KAZN: variants seen among roughly 807,000 people sequenced by gnomAD.
The protein encoded by KAZN is kazrin, periplakin interacting protein, also known as kazrin.
KAZN carries 40 observed loss-of-function variants against 87.4 expected under a neutral mutation model. The observed-to-expected ratio is 0.46, with a 90% CI of 0.36 to 0.60. The LOEUF is 0.60. Among genes scored for constraint, KAZN ranks in the 20% least tolerant of loss-of-function variants. The probability of loss-of-function intolerance (pLI) is 0.00; values close to 1 mark genes in which losing one functional copy is unlikely to be tolerated. For synonymous variants in KAZN, 466 were observed against 458.3 expected, an observed-to-expected ratio of 1.02 and a Z score of -0.22; for missense variants, 898 against 1,073.9, an observed-to-expected ratio of 0.84 and a Z score of 2.29.
At chr1:14,680,062 C>T (rs1640478405) in intron 1 of KAZN, among the ~76,000 whole-genome samples, 1 of 152,166 alleles carries the variant, frequency 6.6e-6, no homozygotes, top group African/African-American at 2.4e-5. Context: ...GCCCCCACTC[C>T]AGACCTACTA....
chr1:14,416,948 A>T lies in KAZN; in HGVS notation c.250-182035A>T, dbSNP rs1050146863. Among the ~76,000 whole-genome samples, 7 of 150,224 alleles carry T rather than the reference A, an allele frequency of 4.7e-5. No homozygotes were observed. The Admixed American group carries it at 4.7e-4, about 10-fold the overall frequency. ...TGCCTATATATGTGTGTGAGCGTGTATATGTGTATGTGTGTATACATATGT... is the reference window on the plus strand; with the variant it reads ...TGCCTATATATGTGTGTGAGCGTGTTTATGTGTATGTGTGTATACATATGT... On this transcript the variant is annotated intron_variant, in intron 2 of 16. Transcript: ENST00000636203.
chr1:14,246,105 T>G (rs1401307720), intron 2 of KAZN, among the ~76,000 whole-genome samples: 1 of 152,166 alleles, frequency 6.6e-6, no homozygotes, highest in African/African-American at 2.4e-5. Context: ...TTCTTACTTA[T>G]AAGTGAGAGC....
intron 2 of KAZN, among the ~76,000 whole-genome samples, chr1:14,334,827 C>G (rs1214751138): frequency 1.3e-5 from 2 of 152,018 alleles, no homozygotes; most frequent in Non-Finnish European, 2.9e-5. Flanking sequence ...AGCAGAGAGA[C>G]AGACAGACAC....
rs556283412 is a variant in KAZN at position 14,701,009 on chromosome 1, C to T, written c.226+101786C>T. Among the ~76,000 whole-genome samples, 166 of 152,228 alleles carry T rather than the reference C, an allele frequency of 1.1e-3. 1 individual carries two copies. Among genetic ancestry groups the T allele is most frequent in the East Asian group, 4.1e-3 (21 of 5,174 alleles). ...GGGAAGCCTTGCTAAATGAAGAAGC[C>T]GGAGAAGATTTCAATTAAGCCTGCT... is the stretch of plus-strand genomic sequence containing the variant. On this transcript the variant is annotated intron_variant, in intron 1 of 14. Coordinates refer to ENST00000376030, the MANE Select transcript of KAZN (RefSeq NM_201628.3).
chr1:14,627,543 C>A (rs1361318959), intron 1 of KAZN, among the ~76,000 whole-genome samples: 1 of 152,208 alleles, frequency 6.6e-6, no homozygotes. Context: ...ATTTAATCTG[C>A]TTTCTTCCTG....
At chr1:14,385,678 T>C (rs1185733664) in intron 2 of KAZN, among the ~76,000 whole-genome samples, 1 of 151,924 alleles carries the variant, frequency 6.6e-6, no homozygotes, top group South Asian at 2.1e-4. Context: ...GTCTGAGAGA[T>C]AGTTTGTTAT....
At chr1:14,514,497 GT>G (rs1557770126) in intron 2 of KAZN, among the ~76,000 whole-genome samples, 3 of 7,566 alleles carry the variant, frequency 4.0e-4, no homozygotes, top group Admixed American at 2.6e-3. Flanking sequence ...ATTTATATAT[GT>G]AAAATATATA....
chr1:14,000,968 G>C (rs1250565571), intron 1 of KAZN, among the ~76,000 whole-genome samples: 6 of 151,584 alleles, frequency 4.0e-5, no homozygotes, highest in Non-Finnish European at 7.4e-5. Flanking sequence ...ATTTTTAGTA[G>C]AGACGGGGTT....
chr1:14,156,114 T>A (rs944804058), intron 1 of KAZN, among the ~76,000 whole-genome samples: 1 of 152,228 alleles, frequency 6.6e-6, no homozygotes, highest in South Asian at 2.1e-4. Flanking sequence ...TTCAGGACCA[T>A]ATTATTTAAT....
chr1:14,523,525 A>AG (rs1671694121), intron 2 of KAZN, among the ~76,000 whole-genome samples: 1 of 152,380 alleles, frequency 6.6e-6, no homozygotes, highest in Admixed American at 6.5e-5. Flanking sequence ...AATGTCACAA[A>AG]GTCATGAATA....
At chr1:14,500,387 C>A (rs1670173935) in intron 2 of KAZN, among the ~76,000 whole-genome samples, 1 of 152,130 alleles carries the variant, frequency 6.6e-6, no homozygotes, top group African/African-American at 2.4e-5. Flanking sequence ...TGTTTTATTT[C>A]TCTTTTCAGC....
Position 14,805,487 on chromosome 1 carries a change from G to A in KAZN, c.227-155197G>A, listed in dbSNP as rs138341247. Among the ~76,000 whole-genome samples, 96 of 152,218 alleles carry A rather than the reference G, an allele frequency of 6.3e-4. 2 individuals carry two copies. The East Asian group carries it at 7.5e-3, about 12-fold the overall frequency. Reference sequence around the variant, plus strand: ...ATATCTGGGTTACTAGGCCGGGTGCGGTGTCTCACACCTATATTCCCAGCA... The same window carrying A: ...ATATCTGGGTTACTAGGCCGGGTGCAGTGTCTCACACCTATATTCCCAGCA... On this transcript the variant is annotated intron_variant, in intron 1 of 14. Transcript: ENST00000376030.
At chr1:14,507,445 G>C (rs1670642659) in intron 2 of KAZN, among the ~76,000 whole-genome samples, 1 of 152,076 alleles carries the variant, frequency 6.6e-6, no homozygotes, top group African/African-American at 2.4e-5. Flanking sequence ...TAGTTTCTAT[G>C]GAAACAAAAG....
intron 2 of KAZN, among the ~76,000 whole-genome samples, chr1:14,544,752 A>T (rs1312986276): frequency 6.6e-6 from 1 of 151,892 alleles, no homozygotes; most frequent in East Asian, 1.9e-4. Flanking sequence ...AAAAAAAAAA[A>T]AAAGATTGGG....
intron 1 of KAZN, among the ~76,000 whole-genome samples, chr1:14,798,250 A>G (rs1393971831): frequency 1.3e-5 from 2 of 152,062 alleles, no homozygotes; most frequent in Admixed American, 6.6e-5. Flanking sequence ...TTGCCCTCTT[A>G]GTGGAGGGCT....
rs1440339389 is a variant in KAZN, at chr1:14,850,390, A to G, written c.227-110294A>G. 3.9e-5 allele frequency among the ~76,000 whole-genome samples: 6 copies of G among 152,308 alleles called. 1 individual carries two copies. The South Asian group carries it at 1.2e-3, about 32-fold the overall frequency. On this transcript the variant is annotated intron_variant, in intron 1 of 14. Coordinates refer to ENST00000376030, the MANE Select transcript of KAZN (RefSeq NM_201628.3). ...ACATGTGAGGTTGGTCATCTGTGACATGTTTAAGGCAAAGAGACTGTATCT... is the reference window on the plus strand; with the variant it reads ...ACATGTGAGGTTGGTCATCTGTGACGTGTTTAAGGCAAAGAGACTGTATCT...
intron 1 of KAZN, among the ~76,000 whole-genome samples, chr1:13,944,289 G>A (rs1410101607): frequency 6.6e-6 from 1 of 152,212 alleles, no homozygotes; most frequent in Non-Finnish European, 1.5e-5. Context: ...ACCACACACT[G>A]CGATTCCATT....
intron 2 of KAZN, among the ~76,000 whole-genome samples, chr1:14,428,249 A>G (rs1297457161): frequency 6.6e-6 from 1 of 152,138 alleles, no homozygotes; most frequent in African/African-American, 2.4e-5. Context: ...TTACTAAATG[A>G]GCTCAGAGAG....
intron 1 of KAZN, among the ~76,000 whole-genome samples, chr1:14,807,735 C>T (rs780806105): frequency 1.3e-5 from 2 of 152,112 alleles, no homozygotes; most frequent in Non-Finnish European, 2.9e-5. Context: ...CGCAACCACA[C>T]TGCAGCCTGG....
Sources: allele counts gnomAD v4.1 joint callset (sites outside exome capture counted in the v4.1 genomes callset), GRCh38; gene constraint gnomAD v4.1.1; transcripts MANE v1.5; gene names NCBI Gene and HGNC (gene_info 2026-07-23, HGNC 2026-07-21).